Variants in VPS8 observed in about 807,000 individuals in gnomAD.
The protein encoded by VPS8 is vacuolar protein sorting-associated protein 8 homolog.
VPS8 carries 129 observed loss-of-function variants against 216.4 expected under a neutral mutation model. The observed-to-expected ratio is 0.60, with a 90% confidence interval of 0.52 to 0.69. VPS8 has a LOEUF of 0.69. Among genes scored for constraint, VPS8 ranks in the 30% least tolerant of loss-of-function variants. The pLI, the probability that VPS8 is intolerant of heterozygous loss-of-function variation, is 0.00. For synonymous variants in VPS8, 571 were observed against 565.4 expected (o/e 1.01, Z -0.14); for missense variants, 1,531 against 1,683.5 (o/e 0.91, Z 1.59).
At chr3:184,839,920 G>A (rs1223676289) in intron 7 of VPS8, 168 bp downstream of exon 7, 2 of 1,382,292 alleles carry the variant, frequency 1.4e-6, no homozygotes, top group Non-Finnish European at 1.9e-6. Flanking sequence ...TTGCCTCACA[G>A]CTTTGTTTTG....
intron 35 of VPS8, among the ~76,000 whole-genome samples, chr3:184,939,501 A>G (rs1330812731): frequency 6.6e-6 from 1 of 151,650 alleles, no homozygotes; most frequent in Non-Finnish European, 1.5e-5. Context: ...GGTTTATCTC[A>G]TTTAACCCTC....
chr3:185,051,957 T>G lies in VPS8; in HGVS notation c.4219T>G (p.Phe1407Val). The G allele has an allele frequency of 1.2e-6, 2 of 1,613,608 alleles. No individual in the cohort carries two copies. The highest frequency in any genetic ancestry group is 1.1e-5 in the South Asian group (1 of 90,942). Residue 1407 changes from phenylalanine to valine, a missense_variant, in exon 48 of 48, where the codon TTC (phenylalanine) becomes GTC (valine). Transcript: ENST00000625842. Reference protein sequence around the residue: ...PFSGSQSAPAFNSIFQNENFQ... With the variant: ...PFSGSQSAPAVNSIFQNENFQ... ...CAGTGGCTCGCAGAGTGCTCCTGCT[T>G]TCAACAGCATCTTCCAGAATGAGAA...
chr3:185,030,148 T>C (rs971932915), intron 46 of VPS8, among the ~76,000 whole-genome samples: 9 of 152,106 alleles, frequency 5.9e-5, no homozygotes, highest in African/African-American at 2.2e-4. Flanking sequence ...CTCCCCAGGA[T>C]AGATCCAAAT....
chr3:184,929,830 G>A (rs1486601808), intron 33 of VPS8, among the ~76,000 whole-genome samples, 166 bp downstream of exon 33: 1 of 152,136 alleles, frequency 6.6e-6, no homozygotes, highest in Non-Finnish European at 1.5e-5. Flanking sequence ...ATTTAGTGAT[G>A]GAAACTGACA....
At chr3:184,950,640 C>T (rs1744534204) in intron 36 of VPS8, among the ~76,000 whole-genome samples, 1 of 151,924 alleles carries the variant, frequency 6.6e-6, no homozygotes, top group South Asian at 2.1e-4. Context: ...GCAGAATGTG[C>T]AGGTTTGTTA....
At chr3:184,871,402 C>T (rs986346904) in intron 21 of VPS8, among the ~76,000 whole-genome samples, 2 of 152,116 alleles carry the variant, frequency 1.3e-5, no homozygotes, top group South Asian at 2.1e-4. Context: ...ACTCCCTTCC[C>T]TCTGCCTACC....
intron 37 of VPS8, among the ~76,000 whole-genome samples, chr3:184,963,951 T>G (rs1406225226): frequency 6.6e-6 from 1 of 152,046 alleles, no homozygotes; most frequent in African/African-American, 2.4e-5. Flanking sequence ...AACCTGTTAA[T>G]CTTTTCAAAA....
At chr3:184,996,296 TTTTG>T (rs1175617019) in intron 43 of VPS8, 32 bp from the exon 44 acceptor site, 2 of 1,569,848 alleles carry the variant, frequency 1.3e-6, no homozygotes, top group South Asian at 1.2e-5. Flanking sequence ...TCTTATAACC[TTTTG>T]TTTGTTTGTT....
At chr3:184,915,513 A>T in intron 28 of VPS8, 39 bp downstream of exon 28, 1 of 1,596,942 alleles carries the variant, frequency 6.3e-7, no homozygotes, top group Non-Finnish European at 8.6e-7. Context: ...TTCAAAGAAG[A>T]CAGAGCAATA....
intron 45 of VPS8, among the ~76,000 whole-genome samples, chr3:185,023,230 C>CT (rs111233381): frequency 2.0e-5 from 3 of 151,622 alleles, no homozygotes; most frequent in South Asian, 4.1e-4. Context: ...AATAGATATA[C>CT]TTTTTTTTAT....
intron 25 of VPS8, among the ~76,000 whole-genome samples, chr3:184,903,593 A>C (rs1053658770): frequency 6.6e-6 from 1 of 151,920 alleles, no homozygotes; most frequent in Non-Finnish European, 1.5e-5. Context: ...CTGGGACTAC[A>C]GGCCACCATG....
intron 40 of VPS8, among the ~76,000 whole-genome samples, chr3:184,975,634 T>C (rs1749132984): frequency 6.6e-6 from 1 of 152,144 alleles, no homozygotes; most frequent in African/African-American, 2.4e-5. Context: ...TTCAAGTTCA[T>C]AGAAAAAAGG....
At chr3:184,940,113 T>C (rs1742383271) in intron 35 of VPS8, 84 bp from the exon 36 acceptor site, 1 of 629,390 alleles carries the variant, frequency 1.6e-6, no homozygotes, top group Non-Finnish European at 2.5e-6. Flanking sequence ...CATAAAGGGA[T>C]AGGTTAAAGT....
intron 30 of VPS8, among the ~76,000 whole-genome samples, chr3:184,925,348 C>G (rs113032748): frequency 2.0e-5 from 3 of 152,312 alleles, no homozygotes; most frequent in African/African-American, 7.2e-5. Context: ...AAATGACTTT[C>G]AAGGTTTCTT....
rs1458428660 is a variant in VPS8 at position 184,990,350 on chromosome 3, C to T, written c.3586-3633C>T. 2.6e-5 allele frequency among the ~76,000 whole-genome samples: 4 copies of T among 152,306 alleles called. No homozygotes were observed. In the East Asian group the frequency reaches 7.7e-4, roughly 29 times the overall value. On this transcript the variant is annotated intron_variant, in intron 42 of 47. Coordinates refer to ENST00000625842, the MANE Select transcript of VPS8 (RefSeq NM_001009921.3). ...GCCCTGCCTTCATATTAGCTTACCC[C>T]CGAGGCTGTGAGTTTTGTAAAAGCA...
intron 40 of VPS8, among the ~76,000 whole-genome samples, chr3:184,980,033 T>C (rs997241988): frequency 1.3e-5 from 2 of 152,226 alleles, no homozygotes; most frequent in Non-Finnish European, 2.9e-5. Flanking sequence ...AATGATTTTA[T>C]TTCTCCTTTG....
chr3:184,846,232 A>G (rs1450370133), intron 8 of VPS8, among the ~76,000 whole-genome samples: 1 of 152,236 alleles, frequency 6.6e-6, no homozygotes. Context: ...TCCAGAAAAA[A>G]GTTGAGAATG....
chr3:184,871,324 T>C (rs1324619433), intron 21 of VPS8, among the ~76,000 whole-genome samples: 1 of 152,146 alleles, frequency 6.6e-6, no homozygotes, highest in Non-Finnish European at 1.5e-5. Context: ...GTATTTATTA[T>C]GCAGGTTTTA....
rs150917702 is a variant in VPS8, at chr3:184,926,376, C to CAATAAATAAATA, written c.2575-201_2575-190dup. Among the ~76,000 whole-genome samples the CAATAAATAAATA allele has an allele frequency of 2.5e-3, 371 of 149,586 alleles. 4 individuals carry two copies. Among genetic ancestry groups the CAATAAATAAATA allele is most frequent in the African/African-American group, 8.7e-3 (347 of 39,916 alleles). On this transcript the variant is annotated intron_variant, in intron 30 of 47. Coordinates refer to ENST00000625842, the MANE Select transcript of VPS8 (RefSeq NM_001009921.3). ...TGGGCGACAGAGTGAGACTCTGTCT[C>CAATAAATAAATA]AATAAATAAATAAATAAATAAATAA...
Sources: allele counts gnomAD v4.1 joint callset (sites outside exome capture counted in the v4.1 genomes callset), GRCh38; gene constraint gnomAD v4.1.1; transcripts MANE v1.5; gene names NCBI Gene and HGNC (gene_info 2026-07-23, HGNC 2026-07-21).